Variants in SMG6 observed in about 807,000 individuals in gnomAD.
The protein encoded by SMG6 is telomerase-binding protein EST1A.
SMG6 carries 66 observed loss-of-function variants against 142.2 expected under a neutral mutation model. That is an observed-to-expected ratio of 0.46 (90% CI 0.38 to 0.57). The LOEUF (loss-of-function observed/expected upper bound fraction) is 0.57. Among genes scored for constraint, SMG6 ranks in the 20% least tolerant of loss-of-function variants. SMG6 has a pLI of 0.00. For synonymous variants in SMG6, 779 were observed against 702.4 expected, an observed-to-expected ratio of 1.11 and a Z score of -1.72; for missense variants, 1,793 against 1,832.0, an observed-to-expected ratio of 0.98 and a Z score of 0.39.
At position 2,297,231 on chromosome 17, in the gene SMG6, A is replaced by T. The variant is rs775811007; in HGVS notation, c.2151+12T>A. 1.9e-6 allele frequency: 3 copies of T among 1,562,466 alleles called. No homozygotes were observed. The highest frequency in any genetic ancestry group is 1.4e-5 in the African/African-American group (1 of 72,508). ...GAATGAAAATTTAAGATACATAAAG[A>T]AGGTAGCTTACTGTCTTGCGTAATG... On this transcript the variant is annotated intron_variant, in intron 4 of 18. Transcript: ENST00000263073.
At chr17:2,065,988 G>A in intron 16 of SMG6, 2 of 410,772 alleles carry the variant, frequency 4.9e-6, no homozygotes, top group Non-Finnish European at 4.5e-6. Context: ...TGCATTCCTT[G>A]GTTACAGGAC....
chr17:2,187,657 G>A (rs1268693999), intron 11 of SMG6, among the ~76,000 whole-genome samples: 1 of 152,078 alleles, frequency 6.6e-6, no homozygotes, highest in Admixed American at 6.5e-5. Context: ...TCCGGGTGAA[G>A]GGTATGTAAG....
chr17:2,235,530 A>G (rs1156323122), intron 10 of SMG6, among the ~76,000 whole-genome samples: 2 of 152,208 alleles, frequency 1.3e-5, no homozygotes, highest in African/African-American at 4.8e-5. Context: ...CAAGAGACCC[A>G]GCGCCACTCT....
chr17:2,096,049 G>T lies in SMG6; in HGVS notation c.3358-10148C>A, dbSNP rs548843807. Among the ~76,000 whole-genome samples the T allele has an allele frequency of 2.6e-5, 4 of 152,190 alleles. No individual in the cohort carries two copies. The East Asian group carries it at 7.7e-4, about 29-fold the overall frequency. On this transcript the variant is annotated intron_variant, in intron 13 of 18. Transcript: ENST00000263073. ...CATTCCCTCATCGTCTTTTAAGCTTGGTAAGGTCTTTTTCTTTTTTCTCTT... is the reference window on the plus strand; with the variant it reads ...CATTCCCTCATCGTCTTTTAAGCTTTGTAAGGTCTTTTTCTTTTTTCTCTT...
intron 13 of SMG6, among the ~76,000 whole-genome samples, chr17:2,128,843 G>GAGTA (rs1555541021): frequency 2.7e-5 from 4 of 148,744 alleles, no homozygotes; most frequent in Non-Finnish European, 5.9e-5. Flanking sequence ...AAGAGAGAGA[G>GAGTA]AGAAAGAAAG....
chr17:2,097,087 C>A (rs1341462785), intron 13 of SMG6, among the ~76,000 whole-genome samples: 1 of 152,164 alleles, frequency 6.6e-6, no homozygotes, highest in East Asian at 1.9e-4. Context: ...GGAGAGGACT[C>A]AAGGCCCTGG....
chr17:2,291,158 C>A (rs951694099), intron 6 of SMG6, among the ~76,000 whole-genome samples: 1 of 152,164 alleles, frequency 6.6e-6, no homozygotes, highest in East Asian at 1.9e-4. Flanking sequence ...AATGAAACCC[C>A]GTCTCTACTA....
At chr17:2,188,600 A>C in intron 10 of SMG6, 85 bp from the exon 11 acceptor site, 26 of 1,157,874 alleles carry the variant, frequency 2.2e-5, no homozygotes, top group Non-Finnish European at 3.3e-5. Flanking sequence ...CCTTTTCCTC[A>C]CTGAAGACTA....
intron 9 of SMG6, among the ~76,000 whole-genome samples, chr17:2,244,031 T>C (rs1050514193): frequency 2.0e-5 from 3 of 152,164 alleles, no homozygotes; most frequent in African/African-American, 4.8e-5. Context: ...ATCCAAGGAA[T>C]AAAGGAATAC....
At chr17:2,110,980 C>A (rs2069299261) in intron 13 of SMG6, among the ~76,000 whole-genome samples, 1 of 152,216 alleles carries the variant, frequency 6.6e-6, no homozygotes, top group South Asian at 2.1e-4. Flanking sequence ...GCTACGCCCA[C>A]CTTCAGTGCC....
At chr17:2,186,600 G>A (rs372209622) in intron 12 of SMG6, 63 bp downstream of exon 12, 24 of 1,568,194 alleles carry the variant, frequency 1.5e-5, no homozygotes, top group Non-Finnish European at 2.1e-5. Flanking sequence ...ATGAAGAGGG[G>A]AGCTGTAGGA....
intron 13 of SMG6, among the ~76,000 whole-genome samples, chr17:2,121,548 T>TAC (rs60301937): frequency 2.0e-5 from 3 of 148,558 alleles, no homozygotes; most frequent in South Asian, 2.2e-4. Context: ...TATTTATATA[T>TAC]ACACACACAC....
At chr17:2,260,245 C>T (rs572975934) in intron 8 of SMG6, among the ~76,000 whole-genome samples, 2 of 152,328 alleles carry the variant, frequency 1.3e-5, no homozygotes, top group African/African-American at 2.4e-5. Flanking sequence ...GCTAGAAACA[C>T]GCATTGCAGA....
chr17:2,299,493 A>G lies in SMG6; in HGVS notation c.1260T>C (p.Asn420=). Residue 420 remains asparagine, a synonymous_variant, in exon 2 of 19, where the codon AAT becomes AAC. Transcript: ENST00000263073. The surrounding 1 kb of genome is among the most constrained non-coding windows in gnomAD (Gnocchi z 4.3). ...ILPAHTTLSV[N]SAGSPESAPL... is the part of the protein sequence containing the mutation. ...GCGCGGACTCTGGAGAACCTGCTGA[A>G]TTGACAGATAGGGTGGTATGGGCAG... The G allele has an allele frequency of 6.2e-7, 1 of 1,614,174 alleles. No homozygotes were observed. Among genetic ancestry groups the G allele is most frequent in the Non-Finnish European group, 8.5e-7 (1 of 1,180,030 alleles).
chr17:2,300,078 C>A lies in SMG6; in HGVS notation c.675G>T (p.Gly225=), dbSNP rs1175225661. Residue 225 remains glycine (G), a synonymous_variant, in exon 2 of 19, where the codon GGG becomes GGT. Transcript: ENST00000263073. ...CTGGGTCGTCGTGGGTTTCCCTCAC[C>A]CCCTCCCCTTTTCCCATCCTCTTTC... ...EKGKRMGKGE[G]VRETHDDPAR... is the part of the protein sequence containing the mutation. 1 of 1,613,840 alleles carries A rather than the reference C, an allele frequency of 6.2e-7. No homozygotes were observed. The highest frequency in any genetic ancestry group is 1.3e-5 in the African/African-American group (1 of 74,918).
At chr17:2,265,670 G>C (rs2074409055) in intron 8 of SMG6, among the ~76,000 whole-genome samples, 1 of 152,158 alleles carries the variant, frequency 6.6e-6, no homozygotes, top group South Asian at 2.1e-4. Context: ...TAGGCTTCGT[G>C]AGCCACGTAC....
At chr17:2,133,692 C>T (rs1451586428) in intron 13 of SMG6, among the ~76,000 whole-genome samples, 2 of 152,204 alleles carry the variant, frequency 1.3e-5, no homozygotes, top group African/African-American at 4.8e-5. Context: ...TACGTGCTAA[C>T]ACATGTGGCT....
chr17:2,090,699 G>A (rs148423209), intron 13 of SMG6, among the ~76,000 whole-genome samples: 13 of 152,284 alleles, frequency 8.5e-5, no homozygotes, highest in Admixed American at 6.5e-4. Context: ...TAACAGTCCA[G>A]CTTGCTACTG....
chr17:2,292,649 T>C lies in SMG6; in HGVS notation c.2259-19A>G, dbSNP rs1385749332. ...GTACCAACTAGAACAGAAAAAACAG[T>C]AAGAAAATGCTAGTTCCAGATTAGC... On this transcript the variant is annotated intron_variant, in intron 5 of 18. Coordinates refer to ENST00000263073, the MANE Select transcript of SMG6 (RefSeq NM_017575.5). 1.9e-6 allele frequency: 3 copies of C among 1,612,614 alleles called. No individual in the cohort carries two copies. In the Admixed American group the frequency reaches 5.0e-5, roughly 27 times the overall value.
Sources: allele counts gnomAD v4.1 joint callset (sites outside exome capture counted in the v4.1 genomes callset), GRCh38; gene constraint gnomAD v4.1.1; non-coding constraint Gnocchi (gnomAD v3.1); transcripts MANE v1.5; gene names NCBI Gene and HGNC (gene_info 2026-07-23, HGNC 2026-07-21).